HS6ST2: variants seen among roughly 807,000 people sequenced by gnomAD.
HS6ST2 encodes the protein heparan-sulfate 6-O-sulfotransferase 2.
In HS6ST2, 17 loss-of-function variants were observed where a neutral mutation model predicts 33.0. The ratio of observed to expected loss-of-function variants is 0.52; its 90% CI spans 0.35 to 0.77. HS6ST2 has a LOEUF of 0.77. Among genes scored for constraint, HS6ST2 ranks in the 30% least tolerant of loss-of-function variants. HS6ST2 has a pLI of 0.01. For synonymous variants in HS6ST2, 248 were observed against 237.1 expected (o/e 1.05, Z -0.42); for missense variants, 519 against 551.7 (o/e 0.94, Z 0.59).
At chrX:132,906,322 T>C (rs918998801) in intron 2 of HS6ST2, among the ~76,000 whole-genome samples, 1 of 112,491 alleles carries the variant, frequency 8.9e-6, no homozygotes, top group Non-Finnish European at 1.9e-5. Flanking sequence ...TTTTGTATAT[T>C]GAAATGCAAT....
chrX:132,641,652 A>G (rs183241592), intron 4 of HS6ST2, among the ~76,000 whole-genome samples: 16 of 112,875 alleles, frequency 1.4e-4, no homozygotes, highest in Admixed American at 1.4e-3. Context: ...CATGAAAACC[A>G]TAGAGTCTTT....
chrX:132,714,324 A>AT (rs1400828229), intron 2 of HS6ST2, among the ~76,000 whole-genome samples: 78 of 105,530 alleles, frequency 7.4e-4, no homozygotes, highest in African/African-American at 1.9e-3. Context: ...TCATGATAAC[A>AT]TTTTTTTTTT....
intron 4 of HS6ST2, among the ~76,000 whole-genome samples, chrX:132,652,238 A>G (rs941939365): frequency 7.2e-5 from 8 of 111,437 alleles, no homozygotes; most frequent in African/African-American, 2.6e-4. Context: ...CCCACTTAGC[A>G]ATTTTCTTCA....
At chrX:132,949,343 A>G (rs1269341255) in intron 2 of HS6ST2, among the ~76,000 whole-genome samples, 1 of 109,929 alleles carries the variant, frequency 9.1e-6, no homozygotes, top group South Asian at 4.0e-4. Flanking sequence ...GTGTACCACT[A>G]TTAACTTCCT....
intron 3 of HS6ST2, among the ~76,000 whole-genome samples, chrX:132,673,350 A>C (rs191809504): frequency 8.9e-6 from 1 of 112,519 alleles, no homozygotes; most frequent in East Asian, 2.8e-4. Flanking sequence ...GTTTGAGAGA[A>C]GGAAGTGGTG....
At chrX:132,821,065 C>T (rs182244410) in intron 2 of HS6ST2, among the ~76,000 whole-genome samples, 1 of 110,558 alleles carries the variant, frequency 9.0e-6, no homozygotes, top group Admixed American at 9.7e-5. Context: ...CATCACCTCC[C>T]CCCACCATAA....
intron 2 of HS6ST2, among the ~76,000 whole-genome samples, chrX:132,915,853 C>T (rs12392678): frequency 3.5e-4 from 38 of 107,285 alleles, no homozygotes; most frequent in East Asian, 1.2e-3. Flanking sequence ...CTCAGCCCCC[C>T]GAGTAGCTGG....
chrX:132,732,424 G>C (rs2064468238), intron 2 of HS6ST2, among the ~76,000 whole-genome samples: 1 of 111,783 alleles, frequency 8.9e-6, no homozygotes, highest in Non-Finnish European at 1.9e-5. Context: ...TGATTCATCT[G>C]TTCCCTCTCC....
intron 3 of HS6ST2, among the ~76,000 whole-genome samples, chrX:132,683,851 C>A (rs1386738632): frequency 9.0e-6 from 1 of 110,764 alleles, no homozygotes; most frequent in Non-Finnish European, 1.9e-5. Context: ...GGTCAGAGCA[C>A]TATTTTTTAT....
At chrX:132,768,003 T>C (rs1009933138) in intron 2 of HS6ST2, among the ~76,000 whole-genome samples, 1 of 111,181 alleles carries the variant, frequency 9.0e-6, no homozygotes, top group African/African-American at 3.3e-5. Flanking sequence ...TCAGAGTTGA[T>C]ACATCTTTAC....
intron 2 of HS6ST2, among the ~76,000 whole-genome samples, chrX:132,858,590 G>T (rs1482467761): frequency 8.9e-6 from 1 of 111,825 alleles, no homozygotes; most frequent in Non-Finnish European, 1.9e-5. Context: ...TCTCGGGGAA[G>T]TTGAGAGTCT....
intron 2 of HS6ST2, among the ~76,000 whole-genome samples, chrX:132,872,233 T>G (rs143814146): frequency 0.042 from 4,688 of 111,930 alleles, 238 homozygotes; most frequent in African/African-American, 0.14. Flanking sequence ...CGACTCAAGA[T>G]ATCAGTTTAA....
intron 4 of HS6ST2, among the ~76,000 whole-genome samples, chrX:132,645,596 C>A (rs1031951238): frequency 8.9e-6 from 1 of 111,953 alleles, no homozygotes; most frequent in African/African-American, 3.3e-5. Flanking sequence ...ACTAGAAATG[C>A]ACGCAGGGAG....
intron 3 of HS6ST2, among the ~76,000 whole-genome samples, chrX:132,673,414 C>T (rs2063899261): frequency 8.9e-6 from 1 of 112,449 alleles, no homozygotes; most frequent in African/African-American, 3.2e-5. Flanking sequence ...GAGAATTGGA[C>T]TCCAGTCACT....
At chrX:132,805,221 C>T (rs1190366704) in intron 2 of HS6ST2, among the ~76,000 whole-genome samples, 2 of 111,761 alleles carry the variant, frequency 1.8e-5, no homozygotes, top group Non-Finnish European at 1.9e-5. Flanking sequence ...CTTTGGCCTT[C>T]GCTGGTCTTT....
intron 2 of HS6ST2, among the ~76,000 whole-genome samples, chrX:132,849,239 C>T (rs1445962360): frequency 1.8e-5 from 2 of 110,740 alleles, no homozygotes; most frequent in Non-Finnish European, 3.8e-5. Flanking sequence ...CTCTCCAGTC[C>T]CCCCAATGGC....
At chrX:132,709,812 A>AAC (rs60459374) in intron 2 of HS6ST2, among the ~76,000 whole-genome samples, 76 of 92,210 alleles carry the variant, frequency 8.2e-4, no homozygotes, top group Admixed American at 1.8e-3. Context: ...GAAAAGACAA[A>AAC]ACACACACAC....
At chrX:132,803,244 T>C (rs1053819373) in intron 2 of HS6ST2, among the ~76,000 whole-genome samples, 1 of 111,230 alleles carries the variant, frequency 9.0e-6, no homozygotes, top group African/African-American at 3.3e-5. Context: ...TCCCAGAAAA[T>C]AGCTCCCTTT....
chrX:132,778,088 T>C (rs1015757412), intron 2 of HS6ST2, among the ~76,000 whole-genome samples: 1 of 112,384 alleles, frequency 8.9e-6, no homozygotes, highest in South Asian at 3.7e-4. Flanking sequence ...TGTCATGGCA[T>C]ACATTTTCCC....
Sources: gnomAD v4.1 joint callset for allele counts (sites outside exome capture counted in the v4.1 genomes callset) on GRCh38, gnomAD v4.1.1 for gene constraint, MANE v1.5 for transcripts, NCBI Gene and HGNC (gene_info 2026-07-23, HGNC 2026-07-21) for gene names.